CSMD1: variants seen among roughly 807,000 people sequenced by gnomAD.
CSMD1 encodes the protein CUB and Sushi multiple domains 1, also known as CUB and sushi domain-containing protein 1.
In CSMD1, 213 loss-of-function variants were observed where a neutral mutation model predicts 417.5. The observed-to-expected ratio is 0.51, with a 90% CI of 0.46 to 0.57. The LOEUF is 0.57. Ranked by LOEUF, CSMD1 falls within the 20% of genes least tolerant of loss-of-function variation. The pLI, the probability that CSMD1 is intolerant of heterozygous loss-of-function variation, is 0.00. For synonymous variants in CSMD1, 2,862 were observed against 1,736.8 expected (o/e 1.65, Z -16.11); for missense variants, 6,923 against 4,529.7 (o/e 1.53, Z -15.17).
At chr8:4,607,397 A>G (rs1800934734) in intron 2 of CSMD1, among the ~76,000 whole-genome samples, 1 of 152,198 alleles carries the variant, frequency 6.6e-6, no homozygotes, top group Non-Finnish European at 1.5e-5. Context: ...TGGAGAATAG[A>G]AAATTGCAGG....
At position 3,788,964 on chromosome 8, in the gene CSMD1, G is replaced by C. The variant is rs1004609053; in HGVS notation, c.819-34922C>G. On this transcript the variant is annotated intron_variant, in intron 5 of 69. Transcript: ENST00000635120. ...GACAGTATTGTAGAATTTAAATGCA[G>C]ATAATCTGATTCCAAATTGTAAGTT... is the stretch of plus-strand genomic sequence containing the variant. 3.9e-5 allele frequency among the ~76,000 whole-genome samples: 6 copies of C among 152,174 alleles called. 1 individual carries two copies. Among genetic ancestry groups the C allele is most frequent in the Admixed American group, 6.5e-5 (1 of 15,274 alleles).
At chr8:3,917,846 C>A (rs745786845) in intron 5 of CSMD1, among the ~76,000 whole-genome samples, 32 of 151,980 alleles carry the variant, frequency 2.1e-4, no homozygotes, top group Non-Finnish European at 2.6e-4. Context: ...CACATAAGAT[C>A]TACATGCTTA....
chr8:2,940,974 A>T (rs1801831250), intron 69 of CSMD1, among the ~76,000 whole-genome samples: 1 of 152,204 alleles, frequency 6.6e-6, no homozygotes, highest in African/African-American at 2.4e-5. Context: ...TTAAGAAGAG[A>T]AGCTCATCTG....
At position 4,250,144 on chromosome 8, in the gene CSMD1, G is replaced by C. The variant is rs141187878; in HGVS notation, c.415+169809C>G. Among the ~76,000 whole-genome samples the C allele has an allele frequency of 4.2e-3, 646 of 152,198 alleles. 1 individual carries two copies. The highest frequency in any genetic ancestry group is 0.015 in the African/African-American group (619 of 41,530). ...GATCAACTACCAGTGACTTCATTTTGAGCTTCTCAGCCTCTAGAACTGTGA... is the reference window on the plus strand; with the variant it reads ...GATCAACTACCAGTGACTTCATTTTCAGCTTCTCAGCCTCTAGAACTGTGA... On this transcript the variant is annotated intron_variant, in intron 3 of 69. Transcript: ENST00000635120.
chr8:3,110,287 G>C lies in CSMD1; in HGVS notation c.6479C>G (p.Pro2160Arg). ...GATCGGATACTCATCAGGAAAGCCA[G>C]GGGAGTAGATGGTGCCGTTCTGAGA... is the stretch of plus-strand genomic sequence containing the variant. ...VTSQNGTIYS[P>R]GFPDEYPILK... Residue 2160 changes from proline (P) to arginine (R), a missense_variant, in exon 43 of 70, where the codon CCT becomes CGT. By Grantham distance (103) the Pro-to-Arg change is moderately radical. Coordinates refer to ENST00000635120, the MANE Select transcript of CSMD1 (RefSeq NM_033225.6). The C allele has an allele frequency of 1.2e-6, 2 of 1,613,548 alleles. No homozygotes were observed. Among genetic ancestry groups the C allele is most frequent in the Non-Finnish European group, 1.7e-6 (2 of 1,179,720 alleles).
intron 4 of CSMD1, among the ~76,000 whole-genome samples, chr8:4,031,315 T>TG (rs1563339623): frequency 3.3e-5 from 5 of 152,206 alleles, no homozygotes; most frequent in African/African-American, 1.2e-4. Context: ...CCCAAGTGGC[T>TG]GGGGAAGCCT....
At chr8:4,494,967 T>G (rs545356226) in intron 2 of CSMD1, among the ~76,000 whole-genome samples, 2 of 148,394 alleles carry the variant, frequency 1.3e-5, no homozygotes, top group Non-Finnish European at 3.0e-5. Context: ...AAAAAAACAG[T>G]GGAGAAAATA....
chr8:3,412,948 T>G lies in CSMD1; in HGVS notation c.1562-3343A>C, dbSNP rs73657853. ...GGGAAGCTGGGCTGGGCGCCCAGGGTCCTGGCATAGCACAAATCTGTGCAG... is the reference window on the plus strand; with the variant it reads ...GGGAAGCTGGGCTGGGCGCCCAGGGGCCTGGCATAGCACAAATCTGTGCAG... On this transcript the variant is annotated intron_variant, in intron 12 of 69. Coordinates refer to ENST00000635120, the MANE Select transcript of CSMD1 (RefSeq NM_033225.6). Among the ~76,000 whole-genome samples, 34 of 152,136 alleles carry G rather than the reference T, an allele frequency of 2.2e-4. No individual in the cohort carries two copies. The South Asian group carries it at 7.0e-3, about 31-fold the overall frequency.
intron 2 of CSMD1, among the ~76,000 whole-genome samples, chr8:4,468,816 T>C (rs1028345318): frequency 2.0e-5 from 3 of 152,184 alleles, no homozygotes; most frequent in African/African-American, 7.2e-5. Context: ...AATTATTGTA[T>C]TGAATTTAGC....
At chr8:4,189,166 G>A (rs564450273) in intron 3 of CSMD1, among the ~76,000 whole-genome samples, 144 of 152,324 alleles carry the variant, frequency 9.5e-4, no homozygotes, top group African/African-American at 3.4e-3. Flanking sequence ...TTCACAGAAG[G>A]TGCACACACA....
intron 1 of CSMD1, among the ~76,000 whole-genome samples, chr8:4,950,304 A>C (rs890776893): frequency 2.0e-5 from 3 of 152,168 alleles, no homozygotes; most frequent in African/African-American, 7.2e-5. Context: ...TAGTAAGTAA[A>C]TGATTTTCTC....
intron 10 of CSMD1, among the ~76,000 whole-genome samples, chr8:3,564,680 A>G (rs62475830): frequency 0.15 from 22,779 of 152,100 alleles, 2,046 homozygotes; most frequent in Non-Finnish European, 0.2. Context: ...TTATAAGAAA[A>G]TCAATCCAGC....
At chr8:4,100,716 A>C (rs1801262083) in intron 3 of CSMD1, among the ~76,000 whole-genome samples, 1 of 152,112 alleles carries the variant, frequency 6.6e-6, no homozygotes, top group African/African-American at 2.4e-5. Flanking sequence ...TTTCCTCATA[A>C]ACTTCCACAC....
chr8:2,980,253 T>A (rs904809603), intron 54 of CSMD1, among the ~76,000 whole-genome samples: 2 of 152,304 alleles, frequency 1.3e-5, no homozygotes, highest in Non-Finnish European at 2.9e-5. Flanking sequence ...CCACTAAGGA[T>A]GACCGAGAGA....
chr8:4,816,184 T>G (rs1316308387), intron 1 of CSMD1, among the ~76,000 whole-genome samples: 2 of 144,798 alleles, frequency 1.4e-5, no homozygotes, highest in Admixed American at 7.0e-5. Context: ...AAATCACACT[T>G]GTTATTTGCT....
chr8:4,299,339 G>C (rs766232760), intron 3 of CSMD1, among the ~76,000 whole-genome samples: 9 of 152,206 alleles, frequency 5.9e-5, no homozygotes, highest in Middle Eastern at 6.8e-3. Flanking sequence ...ACTTCCAAGA[G>C]GGGGTTTTTA....
intron 1 of CSMD1, among the ~76,000 whole-genome samples, chr8:4,897,047 C>T (rs1767898183): frequency 6.6e-6 from 1 of 152,098 alleles, no homozygotes; most frequent in African/African-American, 2.4e-5. Flanking sequence ...TGTTTTAAAA[C>T]TCAGGAGTAA....
chr8:4,674,378 GA>G (rs1293618686), intron 1 of CSMD1, among the ~76,000 whole-genome samples: 1 of 152,038 alleles, frequency 6.6e-6, no homozygotes, highest in Non-Finnish European at 1.5e-5. Flanking sequence ...AGGATAGGTT[GA>G]AAAAAAGTTC....
chr8:4,360,719 C>T (rs541959407), intron 3 of CSMD1, among the ~76,000 whole-genome samples: 1 of 152,130 alleles, frequency 6.6e-6, no homozygotes, highest in Non-Finnish European at 1.5e-5. Context: ...GGTCTCCGAT[C>T]TCCTGACCTC....
Sources: gnomAD v4.1 joint callset for allele counts (sites outside exome capture counted in the v4.1 genomes callset) on GRCh38, gnomAD v4.1.1 for gene constraint, MANE v1.5 for transcripts, NCBI Gene and HGNC (gene_info 2026-07-23, HGNC 2026-07-21) for gene names.